Variants in PPP1R12B observed in about 807,000 individuals in gnomAD.
PPP1R12B encodes the protein myosin phosphatase target subunit 2.
A neutral mutation model predicts 126.1 loss-of-function variants in PPP1R12B; 76 were observed. That is an observed-to-expected ratio of 0.60 (90% CI 0.50 to 0.73). PPP1R12B has a LOEUF of 0.73. PPP1R12B is among the 30% of genes least tolerant of loss of function. PPP1R12B has a pLI of 0.00. For missense variants in PPP1R12B, 1,052 were observed against 1,205.1 expected, an observed-to-expected ratio of 0.87 and a Z score of 1.88; for synonymous variants, 356 against 434.7, an observed-to-expected ratio of 0.82 and a Z score of 2.25.
intron 9 of PPP1R12B, 134 bp from the exon 10 acceptor site, chr1:202,437,687 C>G (rs1012227170): frequency 2.6e-6 from 2 of 761,076 alleles, no homozygotes; most frequent in African/African-American, 3.5e-5. Context: ...GGCAGAAAGA[C>G]TGCCATGTAT....
At chr1:202,398,912 T>C (rs1194876494) in intron 1 of PPP1R12B, among the ~76,000 whole-genome samples, 7 of 152,236 alleles carry the variant, frequency 4.6e-5, no homozygotes, top group Non-Finnish European at 1.0e-4. Flanking sequence ...GTTTTTGCTA[T>C]GTACATTGTT....
intron 23 of PPP1R12B, among the ~76,000 whole-genome samples, chr1:202,569,870 G>A (rs1558387666): frequency 1.3e-5 from 2 of 152,034 alleles, no homozygotes; most frequent in Non-Finnish European, 2.9e-5. Context: ...CTGCCATCCT[G>A]GGCAGTTTTG....
At chr1:202,469,423 ATC>A (rs1342907127) in intron 13 of PPP1R12B, among the ~76,000 whole-genome samples, 2 of 152,182 alleles carry the variant, frequency 1.3e-5, no homozygotes, top group Non-Finnish European at 2.9e-5. Flanking sequence ...TGATGAAATA[ATC>A]TGTACAACAA....
At chr1:202,570,423 T>G (rs1466404863) in intron 23 of PPP1R12B, among the ~76,000 whole-genome samples, 1 of 152,210 alleles carries the variant, frequency 6.6e-6, no homozygotes, top group Non-Finnish European at 1.5e-5. Context: ...GCCTTGCCCT[T>G]GCATTTCCTA....
chr1:202,419,506 CTT>C lies in PPP1R12B; in HGVS notation c.422+2598_422+2599del, dbSNP rs922570804. On this transcript the variant is annotated intron_variant, in intron 2 of 23. Transcript: ENST00000608999. The surrounding 1 kb of genome is among the most constrained non-coding windows in gnomAD (Gnocchi z 4.6). ...AAAGTAAAACTAAAGAGGTTTTTAA[CTT>C]TTTTTTTTCCTAGAACTGGAGAAAA... Among the ~76,000 whole-genome samples, 1 of 151,200 alleles carries C rather than the reference CTT, an allele frequency of 6.6e-6. No homozygotes were observed. The highest frequency in any genetic ancestry group is 1.5e-5 in the Non-Finnish European group (1 of 67,822).
chr1:202,387,346 G>C (rs1663319935), intron 1 of PPP1R12B, among the ~76,000 whole-genome samples: 1 of 152,186 alleles, frequency 6.6e-6, no homozygotes, highest in East Asian at 1.9e-4. Flanking sequence ...AGCAAGAAAG[G>C]TGAAACTTAG....
chr1:202,352,964 A>G (rs1006622731), intron 1 of PPP1R12B, among the ~76,000 whole-genome samples: 16 of 152,206 alleles, frequency 1.1e-4, no homozygotes, highest in Non-Finnish European at 2.1e-4. Flanking sequence ...AGGTCACACC[A>G]GACTGGAATT....
chr1:202,374,781 G>T (rs1660891253), intron 1 of PPP1R12B, among the ~76,000 whole-genome samples: 1 of 151,310 alleles, frequency 6.6e-6, no homozygotes, highest in East Asian at 1.9e-4. Context: ...CAGGCAATCC[G>T]CCCGCCTCTG....
intron 7 of PPP1R12B, 30 bp from the exon 8 acceptor site, chr1:202,431,450 A>G (rs778802817): frequency 6.4e-7 from 1 of 1,558,376 alleles, no homozygotes; most frequent in Non-Finnish European, 8.6e-7. Flanking sequence ...TCATTTCTGA[A>G]TTATACTCAA....
intron 1 of PPP1R12B, among the ~76,000 whole-genome samples, chr1:202,416,153 T>C (rs1019087710): frequency 2.6e-5 from 4 of 152,210 alleles, no homozygotes; most frequent in African/African-American, 9.7e-5. Context: ...TTTTATAATA[T>C]AATGATGAAA....
At chr1:202,474,036 GC>G in intron 13 of PPP1R12B, 1 of 496,684 alleles carries the variant, frequency 2.0e-6, no homozygotes, top group Non-Finnish European at 4.2e-6. Context: ...TACAGAGACA[GC>G]AGAGTATAAA....
intron 1 of PPP1R12B, among the ~76,000 whole-genome samples, chr1:202,359,664 C>T: frequency 8.1e-6 from 1 of 123,892 alleles, no homozygotes. Context: ...GTCTGTAATC[C>T]CAGCTACTGG....
intron 1 of PPP1R12B, among the ~76,000 whole-genome samples, chr1:202,405,217 T>C (rs1666431503): frequency 6.6e-6 from 1 of 152,182 alleles, no homozygotes; most frequent in South Asian, 2.1e-4. Flanking sequence ...GACTCTGTTA[T>C]GGTAAAACGC....
chr1:202,585,699 C>A lies in PPP1R12B; in HGVS notation c.*5139C>A, dbSNP rs1162861492. 1 of 152,146 alleles carries A rather than the reference C, an allele frequency of 6.6e-6. No homozygotes were observed. The highest frequency in any genetic ancestry group is 1.5e-5 in the Non-Finnish European group (1 of 68,024). The allele number at this position is 152,146 out of a possible 1,614,324, so 9.4% of individuals were successfully genotyped here. ...AGCACATCAAGGTTGACTTCTCATC[C>A]TTTTTGGGAAGTGAATTTAATATTG... On this transcript the variant is annotated 3_prime_UTR_variant, in exon 24 of 24. Transcript: ENST00000608999.
At chr1:202,512,779 T>A (rs1681680912) in intron 18 of PPP1R12B, among the ~76,000 whole-genome samples, 1 of 152,178 alleles carries the variant, frequency 6.6e-6, no homozygotes, top group Admixed American at 6.5e-5. Context: ...TTCCTCTTAC[T>A]TTACTGCCTC....
intron 13 of PPP1R12B, among the ~76,000 whole-genome samples, chr1:202,484,453 G>T (rs981285988): frequency 6.6e-6 from 1 of 152,162 alleles, no homozygotes; most frequent in Non-Finnish European, 1.5e-5. Context: ...GCTACTAATT[G>T]TAAGTGTCAC....
At chr1:202,452,646 A>G (rs1283215325) in intron 13 of PPP1R12B, among the ~76,000 whole-genome samples, 1 of 152,052 alleles carries the variant, frequency 6.6e-6, no homozygotes, top group African/African-American at 2.4e-5. Context: ...CAGATTGTTC[A>G]CTGTTGGCAA....
rs1420683728 is a variant in PPP1R12B at position 202,583,029 on chromosome 1, G to T, written c.*2469G>T. 1 of 152,116 alleles carries T rather than the reference G, an allele frequency of 6.6e-6. No individual in the cohort carries two copies. Among genetic ancestry groups the T allele is most frequent in the Non-Finnish European group, 1.5e-5 (1 of 68,028 alleles). The allele number at this position is 152,116 out of a possible 1,614,324, so 9.4% of individuals were successfully genotyped here. ...TTTCAAGAGAAGCTGCTACTATCTT[G>T]AGACTTCGTATTATCATGGGAGTAC... On this transcript the variant is annotated 3_prime_UTR_variant, in exon 24 of 24. Transcript: ENST00000608999.
At chr1:202,501,939 A>G in intron 18 of PPP1R12B, 1 of 985,482 alleles carries the variant, frequency 1.0e-6, no homozygotes, top group Non-Finnish European at 1.2e-6. Flanking sequence ...GACAACTTAA[A>G]AGCCTACTCA....
Sources: gnomAD v4.1 joint callset for allele counts (sites outside exome capture counted in the v4.1 genomes callset) on GRCh38, gnomAD v4.1.1 for gene constraint, Gnocchi (gnomAD v3.1) non-coding constraint, MANE v1.5 for transcripts, NCBI Gene and HGNC (gene_info 2026-07-23, HGNC 2026-07-21) for gene names.